Variants in DCC observed in about 807,000 individuals in gnomAD.
DCC encodes netrin receptor DCC.
In DCC, 58 loss-of-function variants were observed where a neutral mutation model predicts 172.5. The observed-to-expected ratio is 0.34, with a 90% confidence interval of 0.27 to 0.42. The LOEUF (loss-of-function observed/expected upper bound fraction) is 0.42. DCC is among the 10% of genes least tolerant of loss of function. The probability of loss-of-function intolerance (pLI) is 1.00; values close to 1 mark genes in which losing one functional copy is unlikely to be tolerated. For synonymous variants in DCC, 709 were observed against 644.5 expected, an observed-to-expected ratio of 1.10 and a Z score of -1.52; for missense variants, 1,740 against 1,791.0, an observed-to-expected ratio of 0.97 and a Z score of 0.51.
intron 2 of DCC, among the ~76,000 whole-genome samples, chr18:52,808,364 G>A (rs1423854021): frequency 6.7e-6 from 1 of 149,706 alleles, no homozygotes; most frequent in Non-Finnish European, 1.5e-5. Flanking sequence ...CCAGTAGACA[G>A]CCTGTAATTC....
chr18:52,503,151 A>G (rs561733549), intron 1 of DCC, among the ~76,000 whole-genome samples: 63 of 152,304 alleles, frequency 4.1e-4, no homozygotes, highest in African/African-American at 1.3e-3. Flanking sequence ...TCTTAAAGTC[A>G]TATATATCTC....
chr18:52,371,465 AT>A (rs371530526), intron 1 of DCC, among the ~76,000 whole-genome samples: 3,185 of 152,318 alleles, frequency 0.021, 57 homozygotes, highest in Middle Eastern at 0.037. Context: ...TAATACTCTA[AT>A]TTTTTAGAGA....
At chr18:52,940,147 T>G (rs1278547986) in intron 5 of DCC, among the ~76,000 whole-genome samples, 1 of 152,006 alleles carries the variant, frequency 6.6e-6, no homozygotes, top group African/African-American at 2.4e-5. Flanking sequence ...TGGTGGTAAG[T>G]AAAGGAAATG....
chr18:52,990,619 A>G (rs145766910), intron 5 of DCC, among the ~76,000 whole-genome samples: 2 of 151,994 alleles, frequency 1.3e-5, no homozygotes, highest in African/African-American at 4.8e-5. Context: ...GATTGTATAA[A>G]TAAATTATCA....
At chr18:52,497,356 CACACATATACATATGTGTATATATGTAT>C (rs1226353303) in intron 1 of DCC, among the ~76,000 whole-genome samples, 24 of 52,586 alleles carry the variant, frequency 4.6e-4, no homozygotes, top group African/African-American at 1.9e-3. Context: ...TATATATATA[CACACATATACATATGTGTATATATGTAT>C]ACACACATAT....
chr18:53,174,357 C>CA (rs2055057773), intron 8 of DCC, among the ~76,000 whole-genome samples: 2 of 150,998 alleles, frequency 1.3e-5, no homozygotes, highest in Admixed American at 6.6e-5. Flanking sequence ...AATAGAGACA[C>CA]AAAAAACCCT....
intron 8 of DCC, among the ~76,000 whole-genome samples, chr18:53,160,777 G>A (rs1172596046): frequency 2.6e-5 from 4 of 151,978 alleles, no homozygotes; most frequent in African/African-American, 9.7e-5. Context: ...CCCACTCTTA[G>A]CTGACCTTGA....
At chr18:52,581,555 G>C (rs78036763) in intron 1 of DCC, among the ~76,000 whole-genome samples, 1 of 152,070 alleles carries the variant, frequency 6.6e-6, no homozygotes, top group East Asian at 1.9e-4. Flanking sequence ...AAAGAGATAA[G>C]AATCTCTTGT....
intron 2 of DCC, among the ~76,000 whole-genome samples, chr18:52,819,157 G>A (rs949874303): frequency 1.3e-5 from 2 of 152,054 alleles, no homozygotes; most frequent in African/African-American, 4.8e-5. Context: ...GTGTTGTGTG[G>A]GTCAATATGA....
chr18:53,382,376 A>G (rs1361845692), intron 15 of DCC, among the ~76,000 whole-genome samples: 1 of 152,028 alleles, frequency 6.6e-6, no homozygotes, highest in African/African-American at 2.4e-5. Context: ...TTTTTGATCT[A>G]CCTAATTGTA....
chr18:52,859,698 C>A (rs2039108905), intron 2 of DCC, among the ~76,000 whole-genome samples: 1 of 152,230 alleles, frequency 6.6e-6, no homozygotes, highest in African/African-American at 2.4e-5. Context: ...TACATATGCT[C>A]TTCTGCCCCA....
intron 2 of DCC, among the ~76,000 whole-genome samples, chr18:52,779,029 T>A (rs1189327378): frequency 6.6e-6 from 1 of 152,208 alleles, no homozygotes; most frequent in Non-Finnish European, 1.5e-5. Flanking sequence ...CAGTGTTCTA[T>A]ATGCCTAGCA....
At chr18:53,203,313 T>C (rs2055573615) in intron 9 of DCC, among the ~76,000 whole-genome samples, 1 of 151,932 alleles carries the variant, frequency 6.6e-6, no homozygotes, top group South Asian at 2.1e-4. Flanking sequence ...TAGGTAAGTC[T>C]GGATAAAGGA....
intron 13 of DCC, among the ~76,000 whole-genome samples, chr18:53,309,626 A>G (rs1028855424): frequency 6.6e-6 from 1 of 152,198 alleles, no homozygotes; most frequent in African/African-American, 2.4e-5. Context: ...CATCTAAAAT[A>G]TGTGTGACAG....
intron 1 of DCC, among the ~76,000 whole-genome samples, chr18:52,715,295 C>CTTT (rs10658253): frequency 0.46 from 66,336 of 144,636 alleles, 16,168 homozygotes; most frequent in East Asian, 0.61. Context: ...TTTTTCTTTT[C>CTTT]TTTTTTTTTT....
At chr18:52,580,375 G>T (rs1300817411) in intron 1 of DCC, among the ~76,000 whole-genome samples, 1 of 152,086 alleles carries the variant, frequency 6.6e-6, no homozygotes, top group African/African-American at 2.4e-5. Context: ...AGAGACTTCT[G>T]GATAAGAGAC....
intron 2 of DCC, among the ~76,000 whole-genome samples, chr18:52,885,305 A>T (rs1416753096): frequency 6.6e-6 from 1 of 152,056 alleles, no homozygotes; most frequent in Non-Finnish European, 1.5e-5. Flanking sequence ...CAGGGGTTGA[A>T]GTCAAAAACC....
chr18:52,487,444 T>A (rs1199622897), intron 1 of DCC, among the ~76,000 whole-genome samples: 1 of 152,118 alleles, frequency 6.6e-6, no homozygotes, highest in East Asian at 1.9e-4. Flanking sequence ...TTTGCCTCCC[T>A]GGGATGCTGT....
At position 53,503,292 on chromosome 18, in the gene DCC, T is replaced by G. The variant is rs567985493; in HGVS notation, c.4111+3782T>G. ...AAATTCTGCTTACCTGAAAACAGAT[T>G]CATTTCCTCAATTTTTTTTCCTTCC... On this transcript the variant is annotated intron_variant, in intron 27 of 28. Coordinates refer to ENST00000442544, the MANE Select transcript of DCC (RefSeq NM_005215.4). Among the ~76,000 whole-genome samples, 4 of 152,336 alleles carry G rather than the reference T, an allele frequency of 2.6e-5. No homozygotes were observed. The South Asian group carries it at 8.3e-4, about 32-fold the overall frequency.
Sources: gnomAD v4.1 joint callset for allele counts (sites outside exome capture counted in the v4.1 genomes callset) on GRCh38, gnomAD v4.1.1 for gene constraint, MANE v1.5 for transcripts, NCBI Gene and HGNC (gene_info 2026-07-23, HGNC 2026-07-21) for gene names.